Variants in COL3A1 observed in about 807,000 individuals in gnomAD.
COL3A1 encodes collagen alpha-1(III) chain.
In COL3A1, 46 loss-of-function variants were observed where a neutral mutation model predicts 200.9. That is an observed-to-expected ratio of 0.23 (90% CI 0.18 to 0.29). The LOEUF (loss-of-function observed/expected upper bound fraction) is 0.29, where lower values mean the gene tolerates loss of function less well. Among genes scored for constraint, COL3A1 ranks in the 10% least tolerant of loss-of-function variants. The pLI is 1.00. For synonymous variants in COL3A1, 650 were observed against 628.0 expected, an observed-to-expected ratio of 1.03 and a Z score of -0.52; for missense variants, 1,367 against 1,917.6, an observed-to-expected ratio of 0.71 and a Z score of 5.36.
At position 188,994,421 on chromosome 2, in the gene COL3A1, A is replaced by T; in HGVS notation, c.1293+89A>T. Reference sequence around the variant, plus strand: ...TAATAGCAAAATTTTGCTCCTGTTCAGTTGAATTTATATTGACTTCACTCT... The same window carrying T: ...TAATAGCAAAATTTTGCTCCTGTTCTGTTGAATTTATATTGACTTCACTCT... On this transcript the variant is annotated intron_variant, in intron 18 of 50. Transcript: ENST00000304636. The surrounding 1 kb of genome is among the most constrained non-coding windows in gnomAD (Gnocchi z 4.5). The T allele has an allele frequency of 6.3e-7, 1 of 1,576,926 alleles. No homozygotes were observed. Among genetic ancestry groups the T allele is most frequent in the Non-Finnish European group, 8.7e-7 (1 of 1,148,260 alleles).
rs7576108 is a variant in COL3A1 at position 188,987,389 on chromosome 2, T to A, written c.528+250T>A. On this transcript the variant is annotated intron_variant, in intron 5 of 50. Transcript: ENST00000304636. ...AAACCAAAGTCAACACTTATTAACA[T>A]CTCAGAAAAGTGTTTATAAGAGAAA... is the stretch of plus-strand genomic sequence containing the variant. 0.1 allele frequency among the ~76,000 whole-genome samples: 15,159 copies of A among 151,582 alleles called. 1,748 individuals are homozygous for A. The highest frequency in any genetic ancestry group is 0.29 in the African/African-American group (11,797 of 41,304).
Position 188,974,398 on chromosome 2 carries a change from GC to G in COL3A1, c.-91del. On this transcript the variant is annotated 5_prime_UTR_variant, in exon 1 of 51. The change creates a premature stop within an existing upstream ORF in the 5' untranslated region. Coordinates refer to ENST00000304636, the MANE Select transcript of COL3A1 (RefSeq NM_000090.4). ...GGCTGAGTTTTATGACGGGCCCGGT[GC>G]TGAAGGGCAGGGAACAACTTGATGG... 1.1e-6 allele frequency: 1 copy of G among 928,916 alleles called. No individual in the cohort carries two copies. The highest frequency in any genetic ancestry group is 1.9e-5 in the Admixed American group (1 of 52,494). 57.5% of individuals were successfully genotyped at this position (928,916 alleles called of 1,614,324 possible). A position where few individuals can be genotyped will look rare whatever the true frequency, so the allele number is the denominator to read the frequency against.
Position 189,006,417 on chromosome 2 carries a change from G to A in COL3A1, c.3166G>A (p.Gly1056Ser), listed in dbSNP as rs1223008559. Reference sequence around the variant, plus strand: ...TCATCCAGGCCCACCTGGTCCTGTCGGTCCAGCTGGAAAGAGTGGTGACAG... The same window carrying A: ...TCATCCAGGCCCACCTGGTCCTGTCAGTCCAGCTGGAAAGAGTGGTGACAG... ...PGHPGPPGPV[G>S]PAGKSGDRGE... Residue 1056 changes from glycine to serine, a missense_variant, in exon 43 of 51, where the codon GGT (glycine) becomes AGT (serine). Coordinates refer to ENST00000304636, the MANE Select transcript of COL3A1 (RefSeq NM_000090.4). The A allele has an allele frequency of 1.9e-6, 3 of 1,613,926 alleles. No homozygotes were observed. Among genetic ancestry groups the A allele is most frequent in the Non-Finnish European group, 2.5e-6 (3 of 1,179,960 alleles).
At chr2:188,982,771 G>C (rs1050342951) in intron 1 of COL3A1, among the ~76,000 whole-genome samples, 1 of 151,740 alleles carries the variant, frequency 6.6e-6, no homozygotes, top group Non-Finnish European at 1.5e-5. Flanking sequence ...AAGTTGATTT[G>C]GAGAAAATTT....
Position 189,003,088 on chromosome 2 carries a change from TATCTATCTATC to T in COL3A1, c.2553+38_2553+48del, listed in dbSNP as rs751768531. 2.1e-6 allele frequency: 3 copies of T among 1,460,974 alleles called. No homozygotes were observed. The South Asian group carries it at 3.6e-5, about 18-fold the overall frequency. The allele number at this position is 1,460,974 out of a possible 1,614,324, so 90.5% of individuals were successfully genotyped here. A position where few individuals can be genotyped will look rare whatever the true frequency, so the allele number is the denominator to read the frequency against. On this transcript the variant is annotated intron_variant, in intron 36 of 50. Coordinates refer to ENST00000304636, the MANE Select transcript of COL3A1 (RefSeq NM_000090.4). ...GTAAGTTCCTTCCTCTTTCTCTGTC[TATCTATCTATC>T]ATCTATCTATCTATTGATTATCTGT...
At chr2:188,979,206 T>C (rs1300900919) in intron 1 of COL3A1, among the ~76,000 whole-genome samples, 6 of 151,940 alleles carry the variant, frequency 3.9e-5, no homozygotes, top group African/African-American at 1.4e-4. Flanking sequence ...TCTGAAACTG[T>C]TTTTCTATAG....
chr2:188,976,186 G>C (rs1032439667), intron 1 of COL3A1, among the ~76,000 whole-genome samples: 9 of 151,944 alleles, frequency 5.9e-5, no homozygotes, highest in African/African-American at 1.9e-4. Context: ...TACAAACTTA[G>C]GGGTTTTAGC....
chr2:189,009,029 GA>G lies in COL3A1; in HGVS notation c.3636del (p.Ala1213LeufsTer23). The G allele has an allele frequency of 6.2e-7, 1 of 1,614,184 alleles. No individual in the cohort carries two copies. The highest frequency in any genetic ancestry group is 8.5e-7 in the Non-Finnish European group (1 of 1,180,028). On this transcript the variant is annotated frameshift_variant, in exon 48 of 51. Coordinates refer to ENST00000304636, the MANE Select transcript of COL3A1 (RefSeq NM_000090.4). LOFTEE classifies it high-confidence loss of function. ...CGCTGCCATTGCTGGGATTGGAGGT[GA>G]AAAAGCTGGCGGTTTTGCCCCGTAT... ...GAAAIAGIGG[E>X]KAGGFAPYYG...
intron 24 of COL3A1, among the ~76,000 whole-genome samples, chr2:188,996,716 C>T (rs896918540): frequency 2.6e-5 from 4 of 152,102 alleles, no homozygotes; most frequent in Non-Finnish European, 5.9e-5. Flanking sequence ...AGGCTGGGTG[C>T]GCTGGCTCAC....
Position 188,990,111 on chromosome 2 carries a change from C to T in COL3A1, c.706C>T (p.Pro236Ser), listed in dbSNP as rs771858477. The change falls in exon 9 of 51, where the codon CCC (proline) becomes TCC (serine). Residue 236 changes from proline to serine, a missense_variant. Physicochemically the swap from Pro to Ser is moderately conservative, Grantham distance 74. This residue lies in a region of COL3A1 where 462 missense variants were observed against 681.4 expected (regional missense o/e 0.68). Transcript: ENST00000304636. ...PAGKDGESGRPGRPGERGLPG... is the reference protein window; with the variant it reads ...PAGKDGESGRSGRPGERGLPG... ...CTCTACCTAGGGAGAATCAGGTAGA[C>T]CCGGACGACCTGGAGAGCGAGGATT... 1.3e-5 allele frequency: 21 copies of T among 1,613,524 alleles called. No homozygotes were observed. The highest frequency in any genetic ancestry group is 1.2e-4 in the Admixed American group (7 of 59,958).
rs1688231251 is a variant in COL3A1 at position 188,993,450 on chromosome 2, A to T, written c.1140A>T (p.Gln380His). ...EPGPQGHAGA[Q>H]GPPGPPGING... ...GACCTCAGGGACACGCTGGTGCTCAAGGTCCTCCTGTAAGTATCATAGTTG... is the reference window on the plus strand; with the variant it reads ...GACCTCAGGGACACGCTGGTGCTCATGGTCCTCCTGTAAGTATCATAGTTG... The change falls in exon 16 of 51, where the codon CAA (glutamine) becomes CAT (histidine). Residue 380 changes from glutamine to histidine, a missense_variant. This residue lies in a region of COL3A1 where 462 missense variants were observed against 681.4 expected (regional missense o/e 0.68). Transcript: ENST00000304636. 2 of 1,553,622 alleles carry T rather than the reference A, an allele frequency of 1.3e-6. No homozygotes were observed. The highest frequency in any genetic ancestry group is 2.4e-5 in the South Asian group (2 of 84,172).
Position 188,994,984 on chromosome 2 carries a change from A to G in COL3A1, c.1456-62A>G. The stretch of plus-strand genomic sequence containing the variant: ...TATGACATAAAAATATTTGCCACTC[A>G]AGAATTATGAAAAAGAATTGAAATC... On this transcript the variant is annotated intron_variant, in intron 20 of 50. Coordinates refer to ENST00000304636, the MANE Select transcript of COL3A1 (RefSeq NM_000090.4). This position sits in a 1 kb window ranked among gnomAD's most constrained non-coding sequence, Gnocchi z 4.5. The G allele has an allele frequency of 6.3e-7, 1 of 1,587,444 alleles. No individual in the cohort carries two copies. The highest frequency in any genetic ancestry group is 8.7e-7 in the Non-Finnish European group (1 of 1,155,780).
chr2:188,979,274 A>G (rs1516454), intron 1 of COL3A1, among the ~76,000 whole-genome samples: 14,674 of 151,952 alleles, frequency 0.097, 894 homozygotes, highest in Middle Eastern at 0.14. Context: ...AATCACAGAA[A>G]TACTCTTTGG....
intron 5 of COL3A1, 58 bp from the exon 6 acceptor site, chr2:188,988,023 T>C: frequency 7.7e-7 from 1 of 1,296,306 alleles, no homozygotes; most frequent in Non-Finnish European, 1.1e-6. Flanking sequence ...CTTTGAAGCA[T>C]GGATAAAGTG....
rs886055332 is a variant in COL3A1 at position 189,001,562 on chromosome 2, A to G, written c.2364A>G (p.Pro788=). Residue 788 remains proline (P), a synonymous_variant, in exon 34 of 51, where the codon CCA becomes CCG. Transcript: ENST00000304636. ...GTGAAGGTGGTGCCCCCGGACTTCC[A>G]GGTATAGCTGGACCTCGTGGTAGCC... ...DKGEGGAPGL[P]GIAGPRGSPG... 92 of 1,613,994 alleles carry G rather than the reference A, an allele frequency of 5.7e-5. No individual in the cohort carries two copies. Among genetic ancestry groups the G allele is most frequent in the Non-Finnish European group, 7.8e-5 (92 of 1,180,010 alleles).
At chr2:188,985,964 C>A (rs1688057319) in intron 4 of COL3A1, among the ~76,000 whole-genome samples, 186 bp downstream of exon 4, 1 of 151,956 alleles carries the variant, frequency 6.6e-6, no homozygotes, top group Non-Finnish European at 1.5e-5. Flanking sequence ...TATAAGTATT[C>A]ATTTTTCCTC....
intron 4 of COL3A1, among the ~76,000 whole-genome samples, chr2:188,986,723 C>T (rs1243922483): frequency 6.6e-6 from 1 of 151,898 alleles, no homozygotes; most frequent in East Asian, 1.9e-4. Context: ...CTCTTTTGGC[C>T]TCAAACAGCC....
At chr2:188,996,206 A>C in intron 23 of COL3A1, 28 bp downstream of exon 23, 1 of 1,601,372 alleles carries the variant, frequency 6.2e-7, no homozygotes, top group Non-Finnish European at 8.6e-7. Context: ...ATCTCATTTT[A>C]AAAGGCCAGT....
Position 189,011,814 on chromosome 2 carries a change from T to A in COL3A1, c.*40T>A, listed in dbSNP as rs1339931032. 2 of 1,609,166 alleles carry A rather than the reference T, an allele frequency of 1.2e-6. No homozygotes were observed. Among genetic ancestry groups the A allele is most frequent in the Non-Finnish European group, 1.7e-6 (2 of 1,175,874 alleles). On this transcript the variant is annotated 3_prime_UTR_variant, in exon 51 of 51. Transcript: ENST00000304636. ...GAAATCCCAACAAAAAAAATTTAAC[T>A]CCATATGTGTTCCTCTTGTTCTAAT...
Sources: allele counts gnomAD v4.1 joint callset (sites outside exome capture counted in the v4.1 genomes callset), GRCh38; gene constraint gnomAD v4.1.1; regional missense constraint gnomAD v4.1.1; non-coding constraint Gnocchi (gnomAD v3.1); transcripts MANE v1.5; gene names NCBI Gene and HGNC (gene_info 2026-07-23, HGNC 2026-07-21).